The following MAGI1 variants were observed in gnomAD, a reference collection of about 807,000 sequenced individuals.
MAGI1 encodes membrane associated guanylate kinase, WW and PDZ domain containing 1, also known as membrane-associated guanylate kinase, WW and PDZ domain-containing protein 1.
MAGI1 carries 58 observed loss-of-function variants against 139.9 expected under a neutral mutation model. The ratio of observed to expected loss-of-function variants is 0.41; its 90% confidence interval spans 0.34 to 0.52. MAGI1 has a LOEUF of 0.52. Among genes scored for constraint, MAGI1 ranks in the 20% least tolerant of loss-of-function variants. MAGI1 has a pLI of 0.12. For missense variants in MAGI1, 1,874 were observed against 1,901.6 expected (o/e 0.99, Z 0.27); for synonymous variants, 812 against 737.9 (o/e 1.10, Z -1.63).
intron 1 of MAGI1, among the ~76,000 whole-genome samples, chr3:65,666,214 A>G (rs1337109412): frequency 6.6e-6 from 1 of 151,996 alleles, no homozygotes; most frequent in Non-Finnish European, 1.5e-5. Context: ...AAAACTTTCC[A>G]TGTGTGTGTG....
chr3:65,950,475 G>A (rs567108114), intron 1 of MAGI1, among the ~76,000 whole-genome samples: 30 of 152,156 alleles, frequency 2.0e-4, no homozygotes, highest in Non-Finnish European at 4.1e-4. Flanking sequence ...AAAGTATGTT[G>A]AGAATCCATG....
At chr3:65,448,143 G>A in intron 6 of MAGI1, 86 bp from the exon 7 acceptor site, 1 of 1,178,608 alleles carries the variant, frequency 8.5e-7, no homozygotes, top group South Asian at 1.2e-5. Flanking sequence ...ATCTCCTCAG[G>A]AAAACAGCAG....
intron 1 of MAGI1, chr3:65,902,810 T>G (rs1225915268): frequency 1.3e-5 from 2 of 152,912 alleles, no homozygotes; most frequent in African/African-American, 2.4e-5. Context: ...AGCATCACCC[T>G]GCCAACATTA....
chr3:65,408,331 A>G (rs1312818340), intron 12 of MAGI1, among the ~76,000 whole-genome samples: 1 of 152,218 alleles, frequency 6.6e-6, no homozygotes, highest in African/African-American at 2.4e-5. Flanking sequence ...TAAAAGACAC[A>G]TCTGAAAAAA....
chr3:65,803,834 T>C (rs1159611520), intron 1 of MAGI1, among the ~76,000 whole-genome samples: 1 of 152,174 alleles, frequency 6.6e-6, no homozygotes, highest in African/African-American at 2.4e-5. Context: ...AGCAAACTCA[T>C]ACAAGAAGAG....
chr3:65,689,652 C>T (rs552876378), intron 1 of MAGI1, among the ~76,000 whole-genome samples: 4 of 152,274 alleles, frequency 2.6e-5, no homozygotes, highest in African/African-American at 9.6e-5. Context: ...CTGGAATATT[C>T]AAAGTCATCT....
At chr3:65,511,778 T>C (rs1413298037) in intron 2 of MAGI1, among the ~76,000 whole-genome samples, 7 of 146,764 alleles carry the variant, frequency 4.8e-5, no homozygotes, top group Non-Finnish European at 1.1e-4. Flanking sequence ...TACCCAGGAA[T>C]TGAACTCAGC....
chr3:65,666,895 G>A (rs1434328697), intron 1 of MAGI1, among the ~76,000 whole-genome samples: 1 of 152,120 alleles, frequency 6.6e-6, no homozygotes, highest in Non-Finnish European at 1.5e-5. Context: ...CCACCATTAG[G>A]GGGAGATGAG....
intron 1 of MAGI1, among the ~76,000 whole-genome samples, chr3:65,925,495 A>C (rs1476812046): frequency 6.6e-6 from 1 of 152,194 alleles, no homozygotes; most frequent in African/African-American, 2.4e-5. Context: ...GAGTTAAGAG[A>C]AAAACAACAG....
chr3:65,466,939 A>T (rs1489181992), intron 5 of MAGI1, among the ~76,000 whole-genome samples: 1 of 152,176 alleles, frequency 6.6e-6, no homozygotes, highest in Non-Finnish European at 1.5e-5. Context: ...GTTGGATAAA[A>T]GTTTTCTGTC....
In MAGI1 at chr3:65,490,854, AAAAG is replaced by A. The variant is rs1342704459; in HGVS notation, c.550+2654_550+2657del. ...GCGAGACTCTGTCTCAAAAAAAAAA[AAAAG>A]AAAAAAGAAAGAAAAATTATGAGCC... On this transcript the variant is annotated intron_variant, in intron 3 of 22. Transcript: ENST00000402939. Among the ~76,000 whole-genome samples the A allele has an allele frequency of 1.0e-4, 15 of 149,240 alleles. 1 individual carries two copies. Among genetic ancestry groups the A allele is most frequent in the African/African-American group, 3.2e-4 (13 of 40,342 alleles).
At chr3:65,511,184 C>A (rs917063930) in intron 2 of MAGI1, among the ~76,000 whole-genome samples, 3 of 150,596 alleles carry the variant, frequency 2.0e-5, no homozygotes, top group Non-Finnish European at 4.5e-5. Flanking sequence ...CAACCGGTAC[C>A]AGCTGCTGCA....
chr3:65,420,671 A>G (rs1027210323), intron 12 of MAGI1, among the ~76,000 whole-genome samples: 1 of 152,130 alleles, frequency 6.6e-6, no homozygotes, highest in African/African-American at 2.4e-5. Flanking sequence ...ACTTAAATAA[A>G]AGCACAGAAC....
intron 1 of MAGI1, among the ~76,000 whole-genome samples, chr3:65,648,752 TA>T (rs1258285408): frequency 6.6e-6 from 1 of 152,186 alleles, no homozygotes; most frequent in African/African-American, 2.4e-5. Context: ...ACTGGAATAG[TA>T]AAAAATTTTG....
At chr3:65,846,882 T>C (rs1214842261) in intron 1 of MAGI1, among the ~76,000 whole-genome samples, 2 of 150,048 alleles carry the variant, frequency 1.3e-5, no homozygotes, top group Non-Finnish European at 2.9e-5. Context: ...AATATAATTA[T>C]CTGGTGCTTT....
intron 1 of MAGI1, among the ~76,000 whole-genome samples, chr3:66,032,222 C>G (rs1242182393): frequency 6.6e-6 from 1 of 151,280 alleles, no homozygotes; most frequent in Non-Finnish European, 1.5e-5. Flanking sequence ...TTTGCTGGGT[C>G]TTTTTTTTGA....
intron 1 of MAGI1, among the ~76,000 whole-genome samples, chr3:65,953,841 A>G (rs2063981712): frequency 6.6e-6 from 1 of 152,188 alleles, no homozygotes; most frequent in African/African-American, 2.4e-5. Flanking sequence ...TAGAAAGGCA[A>G]TGTTCGTTAG....
At chr3:65,574,464 T>G (rs879451613) in intron 2 of MAGI1, among the ~76,000 whole-genome samples, 2 of 141,068 alleles carry the variant, frequency 1.4e-5, no homozygotes, top group African/African-American at 5.4e-5. Flanking sequence ...AAAAAAAAAA[T>G]GTACTGAGAG....
intron 1 of MAGI1, among the ~76,000 whole-genome samples, chr3:65,802,820 CA>C (rs1314463742): frequency 1.9e-4 from 28 of 150,158 alleles, no homozygotes; most frequent in African/African-American, 6.6e-4. Flanking sequence ...ACACACTCTC[CA>C]AAACTCCACT....
Sources: gnomAD v4.1 joint callset for allele counts (sites outside exome capture counted in the v4.1 genomes callset) on GRCh38, gnomAD v4.1.1 for gene constraint, MANE v1.5 for transcripts, NCBI Gene and HGNC (gene_info 2026-07-23, HGNC 2026-07-21) for gene names.